SLC1A3: variants seen among roughly 807,000 people sequenced by gnomAD.
The protein encoded by SLC1A3 is solute carrier family 1 member 3.
A neutral mutation model predicts 48.1 loss-of-function variants in SLC1A3; 21 were observed. The ratio of observed to expected loss-of-function variants is 0.44; its 90% CI spans 0.31 to 0.63. The LOEUF (loss-of-function observed/expected upper bound fraction) is 0.63, where lower values mean the gene tolerates loss of function less well. Among genes scored for constraint, SLC1A3 ranks in the 20% least tolerant of loss-of-function variants. The probability of loss-of-function intolerance (pLI) is 0.08; values close to 1 mark genes in which losing one functional copy is unlikely to be tolerated. For missense variants in SLC1A3, 546 were observed against 689.0 expected (o/e 0.79, Z 2.32); for synonymous variants, 239 against 251.4 (o/e 0.95, Z 0.47).
chr5:36,654,822 G>A (rs560226735), intron 3 of SLC1A3, among the ~76,000 whole-genome samples: 1 of 152,296 alleles, frequency 6.6e-6, no homozygotes, highest in African/African-American at 2.4e-5. Context: ...GTTAACCATA[G>A]ACTCCAGGTC....
chr5:36,604,151 T>C (rs1207858362), upstream of SLC1A3, among the ~76,000 whole-genome samples: 1 of 152,194 alleles, frequency 6.6e-6, no homozygotes, highest in East Asian at 1.9e-4. Flanking sequence ...CAGAAAGATC[T>C]TGACAGATTT....
chr5:36,621,618 T>C (rs1739674935), intron 2 of SLC1A3, among the ~76,000 whole-genome samples: 1 of 152,202 alleles, frequency 6.6e-6, no homozygotes. Flanking sequence ...TGGAGCCTTC[T>C]TCATTTACAA....
intron 3 of SLC1A3, among the ~76,000 whole-genome samples, chr5:36,661,459 A>G (rs766913698): frequency 1.4e-4 from 22 of 152,236 alleles, no homozygotes; most frequent in Non-Finnish European, 2.6e-4. Flanking sequence ...TTTATTCACT[A>G]GTTGCTTTTT....
At chr5:36,620,994 C>G (rs541071534) in intron 2 of SLC1A3, among the ~76,000 whole-genome samples, 1 of 152,120 alleles carries the variant, frequency 6.6e-6, no homozygotes, top group African/African-American at 2.4e-5. Context: ...CAACCTCCAC[C>G]TCCCAGGTTC....
chr5:36,675,611 A>T (rs1283593170), intron 5 of SLC1A3, among the ~76,000 whole-genome samples: 4 of 152,240 alleles, frequency 2.6e-5, no homozygotes, highest in Admixed American at 6.5e-5. Flanking sequence ...TTAGAGGCAT[A>T]AGAAAGCCTG....
intron 2 of SLC1A3, 175 bp downstream of exon 2, chr5:36,608,779 A>G: frequency 7.0e-7 from 1 of 1,431,834 alleles, no homozygotes; most frequent in Non-Finnish European, 9.1e-7. Context: ...TGTTTGGAGC[A>G]ATATATAGTA....
At chr5:36,644,251 G>A (rs768459893) in intron 3 of SLC1A3, among the ~76,000 whole-genome samples, 30 of 151,902 alleles carry the variant, frequency 2.0e-4, no homozygotes, top group Admixed American at 1.3e-4. Context: ...GCTCTTATCC[G>A]TGTGATACAT....
chr5:36,678,311 G>A (rs1008902914), intron 6 of SLC1A3, among the ~76,000 whole-genome samples: 4 of 152,168 alleles, frequency 2.6e-5, no homozygotes, highest in African/African-American at 9.7e-5. Context: ...CTCCACAGGA[G>A]CCCCCACTTG....
intron 4 of SLC1A3, 22 bp downstream of exon 4, chr5:36,671,255 C>T (rs766969711): frequency 3.8e-6 from 6 of 1,581,330 alleles, no homozygotes; most frequent in African/African-American, 2.7e-5. Flanking sequence ...CAAGCCCGTC[C>T]TTTGGGGTGT....
At chr5:36,668,219 AG>A (rs1362928701) in intron 3 of SLC1A3, 1 of 152,248 alleles carries the variant, frequency 6.6e-6, no homozygotes, top group Non-Finnish European at 1.5e-5. Context: ...TGGTGTAAAA[AG>A]GTTCGTCTCT....
At chr5:36,607,381 A>T (rs1738995324) in intron 1 of SLC1A3, 1 of 152,202 alleles carries the variant, frequency 6.6e-6, no homozygotes, top group African/African-American at 2.4e-5. Flanking sequence ...AAGCACCAGG[A>T]GGAATCCCTT....
intron 3 of SLC1A3, chr5:36,668,916 C>T (rs1003104485): frequency 3.3e-5 from 5 of 152,204 alleles, no homozygotes; most frequent in Non-Finnish European, 7.3e-5. Context: ...TTCCAGTGCT[C>T]TGCCTTGACC....
At chr5:36,641,771 C>T (rs1740625186) in intron 3 of SLC1A3, among the ~76,000 whole-genome samples, 2 of 152,124 alleles carry the variant, frequency 1.3e-5, no homozygotes, top group African/African-American at 4.8e-5. Flanking sequence ...AAATTCATAA[C>T]ATTCTTATGG....
chr5:36,686,103 C>T lies in SLC1A3; in HGVS notation c.1463C>T (p.Ser488Phe). The change falls in exon 10 of 10, where the codon TCC becomes TTC. Residue 488 changes from serine (S) to phenylalanine (F), a missense_variant. Around this residue, in one of 3 missense-constraint regions of SLC1A3, gnomAD observed 142 missense variants for 238.0 expected, o/e 0.60. Coordinates refer to ENST00000265113, the MANE Select transcript of SLC1A3 (RefSeq NM_004172.5). Reference sequence around the variant, plus strand: ...ACCACCACCAACGTACTGGGAGACTCCCTGGGAGCTGGGATTGTGGAGCAC... The same window carrying T: ...ACCACCACCAACGTACTGGGAGACTTCCTGGGAGCTGGGATTGTGGAGCAC... ...LRTTTNVLGD[S>F]LGAGIVEHLS... 1 of 1,614,196 alleles carries T rather than the reference C, an allele frequency of 6.2e-7. No homozygotes were observed. Among genetic ancestry groups the T allele is most frequent in the Non-Finnish European group, 8.5e-7 (1 of 1,180,036 alleles).
At chr5:36,607,319 T>G (rs1046804339) in intron 1 of SLC1A3, 4 of 152,214 alleles carry the variant, frequency 2.6e-5, no homozygotes, top group African/African-American at 9.6e-5. Context: ...ATGGTACGGC[T>G]GGTTTTCACT....
At chr5:36,673,590 C>T (rs1394735133) in intron 4 of SLC1A3, among the ~76,000 whole-genome samples, 1 of 152,228 alleles carries the variant, frequency 6.6e-6, no homozygotes, top group Non-Finnish European at 1.5e-5. Context: ...CCCCAGAACG[C>T]CTTTGGGAGG....
At chr5:36,629,813 T>A in intron 3 of SLC1A3, 1 of 536,860 alleles carries the variant, frequency 1.9e-6, no homozygotes, top group Non-Finnish European at 3.3e-6. Flanking sequence ...AACAGCCACG[T>A]AATCTGGTTC....
intron 2 of SLC1A3, among the ~76,000 whole-genome samples, chr5:36,610,165 G>A (rs147241824): frequency 3.7e-4 from 56 of 152,218 alleles, no homozygotes; most frequent in African/African-American, 1.3e-3. Flanking sequence ...GTCTAGCACC[G>A]GAGGCCATTC....
intron 3 of SLC1A3, among the ~76,000 whole-genome samples, chr5:36,654,740 G>A (rs1741221459): frequency 6.6e-6 from 1 of 152,150 alleles, no homozygotes; most frequent in Non-Finnish European, 1.5e-5. Flanking sequence ...TCTAGCTGAG[G>A]TTGTTAATTC....
Sources: gnomAD v4.1 joint callset for allele counts (sites outside exome capture counted in the v4.1 genomes callset) on GRCh38, gnomAD v4.1.1 for gene constraint, gnomAD v4.1.1 regional missense constraint, MANE v1.5 for transcripts, NCBI Gene and HGNC (gene_info 2026-07-23, HGNC 2026-07-21) for gene names.